Variants in ZMYM5 observed in about 807,000 individuals in gnomAD.
The protein encoded by ZMYM5 is zinc finger MYM-type protein 5.
ZMYM5 carries 41 observed loss-of-function variants against 61.8 expected under a neutral mutation model. The ratio of observed to expected loss-of-function variants is 0.66; its 90% CI spans 0.52 to 0.86. ZMYM5 has a LOEUF of 0.86. ZMYM5 is among the 40% of genes least tolerant of loss of function. ZMYM5 has a pLI of 0.00. For missense variants in ZMYM5, 706 were observed against 786.7 expected, an observed-to-expected ratio of 0.90 and a Z score of 1.23; for synonymous variants, 257 against 276.4, an observed-to-expected ratio of 0.93 and a Z score of 0.70.
chr13:19,832,783 TAA>T (rs1395734176), intron 7 of ZMYM5, among the ~76,000 whole-genome samples: 1 of 151,938 alleles, frequency 6.6e-6, no homozygotes, highest in Non-Finnish European at 1.5e-5. Flanking sequence ...TTCGTTTTGT[TAA>T]AGATAGTCTC....
At chr13:19,860,422 G>A (rs139996170) in intron 2 of ZMYM5, among the ~76,000 whole-genome samples, 17,463 of 146,876 alleles carry the variant, frequency 0.12, 1,357 homozygotes, top group Admixed American at 0.18. Flanking sequence ...CACCAGGCCC[G>A]GCTAATTTTG....
chr13:19,851,635 G>A lies in ZMYM5; in HGVS notation c.492+54C>T, dbSNP rs1953300383. ...CTAAGGTTGTAACATTAGTAATAATGTATTTCAGAGTCAATTCTGTAGTGA... is the reference window on the plus strand; with the variant it reads ...CTAAGGTTGTAACATTAGTAATAATATATTTCAGAGTCAATTCTGTAGTGA... On this transcript the variant is annotated intron_variant, in intron 3 of 7. Coordinates refer to ENST00000337963, the MANE Select transcript of ZMYM5 (RefSeq NM_001142684.2). 25 of 1,546,516 alleles carry A rather than the reference G, an allele frequency of 1.6e-5. No individual in the cohort carries two copies. The South Asian group carries it at 3.2e-4, about 20-fold the overall frequency.
chr13:19,833,964 A>G (rs1262547872), intron 7 of ZMYM5, among the ~76,000 whole-genome samples: 1 of 152,052 alleles, frequency 6.6e-6, no homozygotes, highest in Non-Finnish European at 1.5e-5. Flanking sequence ...ACATATTGAG[A>G]CCCACCTGTA....
intron 2 of ZMYM5, among the ~76,000 whole-genome samples, chr13:19,858,936 A>G (rs572035149): frequency 1.7e-4 from 26 of 152,240 alleles, no homozygotes; most frequent in African/African-American, 6.0e-4. Flanking sequence ...TCCCCATCCT[A>G]GCACAGATTC....
chr13:19,847,905 G>A (rs758957742), intron 4 of ZMYM5, among the ~76,000 whole-genome samples: 2 of 145,458 alleles, frequency 1.4e-5, no homozygotes, highest in Non-Finnish European at 1.5e-5. Context: ...CGCCCACCTC[G>A]GCCTCCCAAA....
intron 6 of ZMYM5, chr13:19,837,445 A>G (rs1488085632): frequency 2.6e-6 from 4 of 1,554,324 alleles, no homozygotes; most frequent in Non-Finnish European, 3.4e-6. Flanking sequence ...ATTCCATAGA[A>G]ACAGATGTGT....
chr13:19,862,062 G>C (rs1246316237), intron 2 of ZMYM5, among the ~76,000 whole-genome samples: 1 of 152,114 alleles, frequency 6.6e-6, no homozygotes, highest in East Asian at 1.9e-4. Context: ...CAAAACAACA[G>C]ATTATTCAGT....
In ZMYM5 at chr13:19,851,711, G is replaced by A. The variant is rs747783875; in HGVS notation, c.470C>T (p.Thr157Ile). ...TACCTTACTTCTTGAAAGACTGGAA[G>A]TGGAGAAATCCAAATCGTTGGTTTT... ...KNKTNDLDFS[T>I]SSLSRSKTKT... is the part of the protein sequence containing the mutation. Residue 157 changes from threonine to isoleucine, a missense_variant, in exon 3 of 8, where the codon ACT becomes ATT. Thr to Ile is a moderately conservative substitution (Grantham distance 89). Transcript: ENST00000337963. 2.7e-5 allele frequency: 43 copies of A among 1,577,976 alleles called. No individual in the cohort carries two copies. The highest frequency in any genetic ancestry group is 3.5e-5 in the Non-Finnish European group (41 of 1,168,390).
At chr13:19,842,960 CAAAAAAAAAAAAAAAA>C (rs753799756) in intron 4 of ZMYM5, among the ~76,000 whole-genome samples, 1 of 77,734 alleles carries the variant, frequency 1.3e-5, no homozygotes, top group East Asian at 5.9e-4. Context: ...AACTCCATCT[CAAAAAAAAAAAAAAAA>C]AAAAAAAAAA....
intron 2 of ZMYM5, among the ~76,000 whole-genome samples, chr13:19,859,081 G>T (rs1371019607): frequency 6.6e-6 from 1 of 151,736 alleles, no homozygotes; most frequent in Non-Finnish European, 1.5e-5. Context: ...GCAGTGAGCC[G>T]AGATCACGCC....
At chr13:19,838,248 C>T (rs113597679) in intron 5 of ZMYM5, among the ~76,000 whole-genome samples, 31,219 of 151,856 alleles carry the variant, frequency 0.21, 4,368 homozygotes, top group Non-Finnish European at 0.31. Flanking sequence ...CGTGGTGGCG[C>T]GCACCTGTAA....
rs1380145715 is a variant in ZMYM5, at chr13:19,847,792, A to G, written c.586+3563T>C. On this transcript the variant is annotated intron_variant, in intron 4 of 7. Transcript: ENST00000337963. ...GCTGGGACTACAGGCACCTGCCACC[A>G]TGCCCGGCTAATTTTTTTTTTTTTT... 6.7e-5 allele frequency among the ~76,000 whole-genome samples: 9 copies of G among 134,632 alleles called. No individual in the cohort carries two copies. The East Asian group carries it at 1.7e-3, about 26-fold the overall frequency. The allele number at this position is 134,632 out of a possible 152,430, so 88.3% of individuals were successfully genotyped here. A position where few individuals can be genotyped will look rare whatever the true frequency, so the allele number is the denominator to read the frequency against.
Position 19,824,701 on chromosome 13 carries a change from A to T in ZMYM5, c.1786T>A (p.Phe596Ile), listed in dbSNP as rs1404845970. 2 of 1,352,212 alleles carry T rather than the reference A, an allele frequency of 1.5e-6. No homozygotes were observed. Among genetic ancestry groups the T allele is most frequent in the Non-Finnish European group, 2.0e-6 (2 of 1,015,432 alleles). 83.8% of individuals were successfully genotyped at this position (1,352,212 alleles called of 1,614,324 possible). A position where few individuals can be genotyped will look rare whatever the true frequency, so the allele number is the denominator to read the frequency against. Reference protein sequence around the residue: ...DSVFCLYCKLFGEGKNQLKNE... With the variant: ...DSVFCLYCKLIGEGKNQLKNE... ...TTCAGTTGATTTTTTCCTTCCCCAA[A>T]GAGTTTGCAATATAGACAAAACACA... Residue 596 changes from phenylalanine to isoleucine, a missense_variant, in exon 8 of 8, where the codon TTT becomes ATT. Phe to Ile is a conservative substitution (Grantham distance 21, BLOSUM62 0). Transcript: ENST00000337963.
At chr13:19,845,741 AG>A (rs1191266493) in intron 4 of ZMYM5, among the ~76,000 whole-genome samples, 1 of 152,242 alleles carries the variant, frequency 6.6e-6, no homozygotes, top group Non-Finnish European at 1.5e-5. Context: ...TCATAAGGCA[AG>A]GTCTGGGAGG....
chr13:19,848,174 G>A (rs1006306411), intron 4 of ZMYM5, among the ~76,000 whole-genome samples: 23 of 151,702 alleles, frequency 1.5e-4, no homozygotes, highest in African/African-American at 3.6e-4. Context: ...TGTAAGAGAC[G>A]GGGTTTCACC....
intron 2 of ZMYM5, among the ~76,000 whole-genome samples, chr13:19,859,131 T>G (rs1449774583): frequency 6.7e-6 from 1 of 150,326 alleles, no homozygotes; most frequent in Non-Finnish European, 1.5e-5. Context: ...AAACTCCATC[T>G]CAAAAAAAAA....
At chr13:19,836,831 G>A (rs191686766) in intron 6 of ZMYM5, among the ~76,000 whole-genome samples, 1 of 152,172 alleles carries the variant, frequency 6.6e-6, no homozygotes, top group East Asian at 1.9e-4. Context: ...TATAAAGTGA[G>A]GACTGCCTGC....
intron 4 of ZMYM5, among the ~76,000 whole-genome samples, chr13:19,839,877 AACTC>A (rs1299709250): frequency 6.6e-6 from 1 of 152,146 alleles, no homozygotes; most frequent in Non-Finnish European, 1.5e-5. Flanking sequence ...ACTCAGGAAA[AACTC>A]AGCTTTCCTA....
chr13:19,826,227 C>A (rs7332879), intron 7 of ZMYM5, among the ~76,000 whole-genome samples: 1,845 of 152,010 alleles, frequency 0.012, 40 homozygotes, highest in African/African-American at 0.041. Context: ...TGGCAGGCGC[C>A]TGTAATTCAA....
Sources: gnomAD v4.1 joint callset for allele counts (sites outside exome capture counted in the v4.1 genomes callset) on GRCh38, gnomAD v4.1.1 for gene constraint, MANE v1.5 for transcripts, NCBI Gene and HGNC (gene_info 2026-07-23, HGNC 2026-07-21) for gene names.